The following ACKR2 variants were observed in gnomAD, a reference collection of about 807,000 sequenced individuals.
ACKR2 encodes atypical chemokine receptor 2.
For synonymous variants in ACKR2, 207 were observed against 192.2 expected (o/e 1.08, Z -0.64); for missense variants, 457 against 477.3 (o/e 0.96, Z 0.40).
At chr3:42,860,299 G>A (rs1398373324) in intron 2 of ACKR2, among the ~76,000 whole-genome samples, 3 of 151,238 alleles carry the variant, frequency 2.0e-5, no homozygotes, top group Non-Finnish European at 2.9e-5. Flanking sequence ...AACACGAAGA[G>A]CTAACTATCC....
intron 2 of ACKR2, among the ~76,000 whole-genome samples, chr3:42,854,980 C>T (rs530816394): frequency 1.3e-5 from 2 of 152,070 alleles, no homozygotes; most frequent in South Asian, 4.2e-4. Context: ...CCTCAGCCTC[C>T]CAAGTAGCTG....
At chr3:42,813,286 G>T (rs1700714059) in intron 1 of ACKR2, among the ~76,000 whole-genome samples, 1 of 152,052 alleles carries the variant, frequency 6.6e-6, no homozygotes, top group Non-Finnish European at 1.5e-5. Flanking sequence ...TAAAATCTTG[G>T]TTCAGTTTGC....
chr3:42,822,959 C>CT (rs1260265943), intron 2 of ACKR2, among the ~76,000 whole-genome samples: 2 of 152,018 alleles, frequency 1.3e-5, no homozygotes, highest in African/African-American at 4.8e-5. Context: ...TCTCTGTAGT[C>CT]TTGGCTGTGT....
intron 2 of ACKR2, among the ~76,000 whole-genome samples, chr3:42,829,207 G>T (rs912897161): frequency 3.3e-5 from 5 of 152,140 alleles, no homozygotes; most frequent in African/African-American, 1.2e-4. Context: ...AATACCAGAA[G>T]GTGGCAAACG....
chr3:42,831,873 T>C (rs1179403502), intron 2 of ACKR2, among the ~76,000 whole-genome samples: 1 of 152,200 alleles, frequency 6.6e-6, no homozygotes, highest in African/African-American at 2.4e-5. Context: ...AAAATGCAAT[T>C]ACTAGTAGGT....
At chr3:42,860,047 T>C (rs1293068006) in intron 2 of ACKR2, among the ~76,000 whole-genome samples, 3 of 150,944 alleles carry the variant, frequency 2.0e-5, no homozygotes. Flanking sequence ...ACTGGCAAAT[T>C]GGATAGAGAG....
At chr3:42,843,594 C>A (rs892772244) in intron 2 of ACKR2, among the ~76,000 whole-genome samples, 1 of 152,170 alleles carries the variant, frequency 6.6e-6, no homozygotes, top group Non-Finnish European at 1.5e-5. Flanking sequence ...CCCCTGCTGT[C>A]TAGCAGGGTG....
At chr3:42,817,432 G>A (rs148400074) in intron 1 of ACKR2, among the ~76,000 whole-genome samples, 127 of 151,854 alleles carry the variant, frequency 8.4e-4, no homozygotes, top group African/African-American at 2.9e-3. Flanking sequence ...CCCTACCTGC[G>A]TCTCCATCAG....
In ACKR2 at chr3:42,850,705, C is replaced by T. The variant is rs370199478; in HGVS notation, c.-37-13761C>T. Among the ~76,000 whole-genome samples the T allele has an allele frequency of 7.2e-5, 11 of 152,288 alleles. No individual in the cohort carries two copies. In the South Asian group the frequency reaches 2.3e-3, roughly 32 times the overall value. On this transcript the variant is annotated intron_variant, in intron 2 of 2. Coordinates refer to ENST00000422265, the MANE Select transcript of ACKR2 (RefSeq NM_001296.5). ...CCACAGTCATTCATTCATTCAGTCT[C>T]TGCTCTTGCCTGTCCCTGGGCTCTG...
intron 2 of ACKR2, among the ~76,000 whole-genome samples, chr3:42,843,362 A>G (rs1414027183): frequency 2.0e-5 from 3 of 152,052 alleles, no homozygotes; most frequent in East Asian, 1.9e-4. Flanking sequence ...GAGCCACCAT[A>G]CCCAGCTCAT....
At chr3:42,860,369 C>T (rs2088373642) in intron 2 of ACKR2, among the ~76,000 whole-genome samples, 1 of 151,912 alleles carries the variant, frequency 6.6e-6, no homozygotes, top group Non-Finnish European at 1.5e-5. Flanking sequence ...TCTCAGAGAC[C>T]TACAAAGAGA....
intron 2 of ACKR2, chr3:42,851,396 GC>G: frequency 3.0e-6 from 3 of 985,486 alleles, no homozygotes; most frequent in Non-Finnish European, 3.6e-6. Context: ...GGCACCTGGC[GC>G]TGCCGCTCTC....
At chr3:42,858,430 G>C (rs143302141) in intron 2 of ACKR2, among the ~76,000 whole-genome samples, 1,757 of 152,264 alleles carry the variant, frequency 0.012, 42 homozygotes, top group African/African-American at 0.04. Context: ...CAGCAGAGGG[G>C]CCTGACTGTT....
rs59894863 is a variant in ACKR2 at position 42,866,177 on chromosome 3, C to CTTTT, written c.*533_*536dup. 0.05 allele frequency: 6,143 copies of CTTTT among 121,924 alleles called. 324 individuals are homozygous for CTTTT. Among genetic ancestry groups the CTTTT allele is most frequent in the South Asian group, 0.11 (416 of 3,808 alleles). 7.6% of individuals were successfully genotyped at this position (121,924 alleles called of 1,614,324 possible). A position where few individuals can be genotyped will look rare whatever the true frequency, so the allele number is the denominator to read the frequency against. The stretch of plus-strand genomic sequence containing the variant: ...TTTTTTTTCTTTCTTTCTTTCTTTT[C>CTTTT]TTTTTTTTTTTTTTTTGAGACGGAG... On this transcript the variant is annotated 3_prime_UTR_variant, in exon 3 of 3. Transcript: ENST00000422265.
chr3:42,850,333 G>T (rs889107205), intron 2 of ACKR2, among the ~76,000 whole-genome samples: 52 of 152,092 alleles, frequency 3.4e-4, no homozygotes, highest in African/African-American at 1.3e-3. Flanking sequence ...TCCGTTCTCT[G>T]ACGCCTGTCT....
chr3:42,822,600 C>T (rs1432621682), intron 2 of ACKR2, among the ~76,000 whole-genome samples: 1 of 152,058 alleles, frequency 6.6e-6, no homozygotes, highest in Non-Finnish European at 1.5e-5. Context: ...CACCTGTAAT[C>T]CCAGCACTTT....
intron 2 of ACKR2, among the ~76,000 whole-genome samples, chr3:42,827,783 G>C (rs1395474599): frequency 6.6e-6 from 1 of 152,110 alleles, no homozygotes; most frequent in Admixed American, 6.5e-5. Context: ...GAATTGTGAG[G>C]CTGGAACAGC....
intron 2 of ACKR2, among the ~76,000 whole-genome samples, chr3:42,832,493 T>C (rs1216671853): frequency 2.7e-5 from 4 of 149,818 alleles, no homozygotes; most frequent in African/African-American, 9.9e-5. Context: ...CAATACTCTG[T>C]CTCAAAAAAA....
intron 2 of ACKR2, chr3:42,843,948 G>A (rs1701066042): frequency 6.6e-6 from 1 of 152,176 alleles, no homozygotes. Flanking sequence ...ATGTGATGTG[G>A]GTGGGGCACG....
Sources: allele counts gnomAD v4.1 joint callset (sites outside exome capture counted in the v4.1 genomes callset), GRCh38; gene constraint gnomAD v4.1.1; transcripts MANE v1.5; gene names NCBI Gene and HGNC (gene_info 2026-07-23, HGNC 2026-07-21).